LDAH: variants seen among roughly 807,000 people sequenced by gnomAD.
LDAH encodes lipid droplet-associated hydrolase.
Under a neutral mutation model 29.6 loss-of-function variants are expected in LDAH, and 26 were observed. That is an observed-to-expected ratio of 0.88 (90% CI 0.64 to 1.22). The LOEUF is 1.22. Among genes scored for constraint, LDAH ranks in the 50% most tolerant of loss-of-function variants. The probability of loss-of-function intolerance (pLI) is 0.00; values close to 1 mark genes in which losing one functional copy is unlikely to be tolerated. For missense variants in LDAH, 344 were observed against 387.3 expected, an observed-to-expected ratio of 0.89 and a Z score of 0.94; for synonymous variants, 117 against 133.0, an observed-to-expected ratio of 0.88 and a Z score of 0.83.
At chr2:20,756,667 T>C (rs942533420) in intron 4 of LDAH, among the ~76,000 whole-genome samples, 2 of 152,060 alleles carry the variant, frequency 1.3e-5, no homozygotes, top group South Asian at 2.1e-4. Flanking sequence ...CTATTTCTCA[T>C]TGCAAAAAAC....
chr2:20,749,333 G>A (rs1317722488), intron 4 of LDAH, among the ~76,000 whole-genome samples: 1 of 152,178 alleles, frequency 6.6e-6, no homozygotes, highest in Non-Finnish European at 1.5e-5. Context: ...GCTGATGATA[G>A]AATACAGGGT....
At chr2:20,811,714 G>A (rs1672515487) in intron 1 of LDAH, among the ~76,000 whole-genome samples, 1 of 151,878 alleles carries the variant, frequency 6.6e-6, no homozygotes. Context: ...TCGATCTCCT[G>A]ACCTCGTGAT....
intron 4 of LDAH, among the ~76,000 whole-genome samples, chr2:20,740,895 G>A (rs1422878214): frequency 6.6e-6 from 1 of 152,174 alleles, no homozygotes; most frequent in East Asian, 1.9e-4. Flanking sequence ...TAATGAATGA[G>A]AGGTGCTCCA....
intron 3 of LDAH, chr2:20,789,107 C>A: frequency 6.5e-7 from 1 of 1,549,324 alleles, no homozygotes; most frequent in Non-Finnish European, 8.7e-7. Flanking sequence ...CTGCACCCAC[C>A]TCCATGCCCT....
intron 1 of LDAH, among the ~76,000 whole-genome samples, chr2:20,811,048 C>T (rs1008469581): frequency 6.6e-6 from 1 of 151,226 alleles, no homozygotes; most frequent in South Asian, 2.1e-4. Context: ...GACGGAGTCC[C>T]GCTCTCTCGC....
At position 20,685,224 on chromosome 2, in the gene LDAH, G is replaced by C; in HGVS notation, c.*1679C>G. On this transcript the variant is annotated 3_prime_UTR_variant, in exon 7 of 7. Transcript: ENST00000237822. ...ATTTAAAATAACAGATAAAAGAAAA[G>C]CTCTGAATGTTACTCTTTATTCTGG... 2.2e-6 allele frequency: 1 copy of C among 460,494 alleles called. No individual in the cohort carries two copies. Among genetic ancestry groups the C allele is most frequent in the East Asian group, 3.5e-5 (1 of 28,698 alleles). 28.5% of individuals were successfully genotyped at this position (460,494 alleles called of 1,614,324 possible).
chr2:20,731,564 G>C (rs1455072460), intron 5 of LDAH, among the ~76,000 whole-genome samples: 1 of 152,098 alleles, frequency 6.6e-6, no homozygotes, highest in Non-Finnish European at 1.5e-5. Flanking sequence ...TCCAATCCAT[G>C]AACACAGTAT....
intron 5 of LDAH, among the ~76,000 whole-genome samples, chr2:20,714,579 C>CAATG (rs1190625704): frequency 6.6e-6 from 1 of 152,076 alleles, no homozygotes; most frequent in Non-Finnish European, 1.5e-5. Context: ...TTCAAAAAAT[C>CAATG]AATGAATCCA....
intron 1 of LDAH, among the ~76,000 whole-genome samples, chr2:20,822,835 A>T (rs1281854271): frequency 6.6e-6 from 1 of 152,210 alleles, no homozygotes; most frequent in Non-Finnish European, 1.5e-5. Context: ...CCCGGCCTGC[A>T]ACTCAAGGGA....
intron 5 of LDAH, among the ~76,000 whole-genome samples, chr2:20,719,224 G>GTTTTTT (rs61437825): frequency 1.2e-4 from 16 of 130,530 alleles, no homozygotes; most frequent in East Asian, 7.1e-4. Flanking sequence ...AAATGAAAAA[G>GTTTTTT]TTTTTTTTTT....
At chr2:20,762,435 A>G (rs919344396) in intron 4 of LDAH, among the ~76,000 whole-genome samples, 2 of 152,188 alleles carry the variant, frequency 1.3e-5, no homozygotes, top group African/African-American at 4.8e-5. Context: ...ACTATAAGCC[A>G]CCTGGTATTT....
In LDAH at chr2:20,775,808, G is replaced by C. The variant is rs974314721; in HGVS notation, c.299-829C>G. Reference sequence around the variant, plus strand: ...CTTAATCAGTACCTCTTTTATTATAGCACTTTATCAAACTTGCACATTGTC... The same window carrying C: ...CTTAATCAGTACCTCTTTTATTATACCACTTTATCAAACTTGCACATTGTC... On this transcript the variant is annotated intron_variant, in intron 3 of 6. Transcript: ENST00000237822. Among the ~76,000 whole-genome samples, 38 of 152,062 alleles carry C rather than the reference G, an allele frequency of 2.5e-4. 1 individual carries two copies. The highest frequency in any genetic ancestry group is 9.2e-4 in the African/African-American group (38 of 41,410).
chr2:20,789,800 G>A (rs1032263793), intron 3 of LDAH, among the ~76,000 whole-genome samples: 2 of 152,124 alleles, frequency 1.3e-5, no homozygotes, highest in African/African-American at 4.8e-5. Flanking sequence ...GTACCCTACT[G>A]TGAACTGTGC....
intron 1 of LDAH, among the ~76,000 whole-genome samples, chr2:20,822,164 G>A (rs1254703439): frequency 1.3e-5 from 2 of 148,470 alleles, no homozygotes; most frequent in East Asian, 2.0e-4. Flanking sequence ...TCACTTTGTC[G>A]CCCAGGCTAG....
intron 5 of LDAH, among the ~76,000 whole-genome samples, chr2:20,713,187 T>A (rs1397263162): frequency 6.6e-6 from 1 of 152,138 alleles, no homozygotes; most frequent in African/African-American, 2.4e-5. Flanking sequence ...TAACAGCGGA[T>A]CTCTCAGCAG....
intron 6 of LDAH, among the ~76,000 whole-genome samples, chr2:20,691,544 G>A (rs1156451861): frequency 6.6e-6 from 1 of 152,186 alleles, no homozygotes; most frequent in Non-Finnish European, 1.5e-5. Context: ...TGTGTGTCAT[G>A]GGGGTGATAA....
At chr2:20,732,228 A>C (rs1353520835) in intron 5 of LDAH, among the ~76,000 whole-genome samples, 1 of 152,170 alleles carries the variant, frequency 6.6e-6, no homozygotes, top group Non-Finnish European at 1.5e-5. Context: ...CCTGGAATAA[A>C]TCACATTTGG....
chr2:20,808,799 T>C (rs1672269232), intron 1 of LDAH, among the ~76,000 whole-genome samples: 1 of 151,992 alleles, frequency 6.6e-6, no homozygotes, highest in Non-Finnish European at 1.5e-5. Context: ...GAACAGGGAA[T>C]CCAGAAACAA....
chr2:20,756,758 G>A (rs1023216961), intron 4 of LDAH, among the ~76,000 whole-genome samples: 5 of 151,894 alleles, frequency 3.3e-5, no homozygotes, highest in African/African-American at 1.2e-4. Context: ...CAAATAATGA[G>A]AAAACAAGTA....
Sources: gnomAD v4.1 joint callset for allele counts (sites outside exome capture counted in the v4.1 genomes callset) on GRCh38, gnomAD v4.1.1 for gene constraint, MANE v1.5 for transcripts, NCBI Gene and HGNC (gene_info 2026-07-23, HGNC 2026-07-21) for gene names.